The following VPS13B variants were observed in gnomAD, a reference collection of about 807,000 sequenced individuals.
The protein encoded by VPS13B is intermembrane lipid transfer protein VPS13B.
In VPS13B, 285 loss-of-function variants were observed where a neutral mutation model predicts 426.4. The observed-to-expected ratio is 0.67, with a 90% confidence interval of 0.61 to 0.74. The LOEUF (loss-of-function observed/expected upper bound fraction) is 0.74, where lower values mean the gene tolerates loss of function less well. VPS13B is among the 30% of genes least tolerant of loss of function. VPS13B has a pLI of 0.00. For missense variants in VPS13B, 4,537 were observed against 4,782.6 expected, an observed-to-expected ratio of 0.95 and a Z score of 1.51; for synonymous variants, 1,676 against 1,676.4, an observed-to-expected ratio of 1.00 and a Z score of 0.01.
intron 33 of VPS13B, among the ~76,000 whole-genome samples, chr8:99,600,165 G>A (rs1827214574): frequency 6.6e-6 from 1 of 152,106 alleles, no homozygotes; most frequent in Non-Finnish European, 1.5e-5. Context: ...AACTCACCCT[G>A]TGTGAGACAG....
intron 14 of VPS13B, among the ~76,000 whole-genome samples, 157 bp from the exon 15 acceptor site, chr8:99,156,392 T>C (rs1439902614): frequency 5.3e-5 from 8 of 152,214 alleles, no homozygotes; most frequent in Admixed American, 4.6e-4. Context: ...AAGACATTTG[T>C]TATTTGGTTA....
chr8:99,874,034 T>G (rs1817570402), intron 61 of VPS13B, among the ~76,000 whole-genome samples: 1 of 152,260 alleles, frequency 6.6e-6, no homozygotes, highest in Admixed American at 6.5e-5. Flanking sequence ...TTGAGATTTA[T>G]TTTTTAAGTC....
intron 30 of VPS13B, among the ~76,000 whole-genome samples, chr8:99,525,947 A>G (rs1822617278): frequency 6.6e-6 from 1 of 152,142 alleles, no homozygotes; most frequent in Non-Finnish European, 1.5e-5. Flanking sequence ...CTGTGAGGAA[A>G]ACGACATTAT....
chr8:99,873,969 T>C (rs1256457452), intron 61 of VPS13B, among the ~76,000 whole-genome samples: 2 of 152,244 alleles, frequency 1.3e-5, no homozygotes, highest in Non-Finnish European at 2.9e-5. Flanking sequence ...CCTTTGAATT[T>C]TGGAAGGAAT....
In VPS13B at chr8:99,784,405, A is replaced by C; in HGVS notation, c.7870A>C (p.Thr2624Pro). 2 of 1,613,722 alleles carry C rather than the reference A, an allele frequency of 1.2e-6. No individual in the cohort carries two copies. Among genetic ancestry groups the C allele is most frequent in the Non-Finnish European group, 1.7e-6 (2 of 1,179,720 alleles). ...QETLRFGQVD[T>P]DENILLASLH... ...GACACTGCGGTTTGGCCAGGTGGAT[A>C]CTGATGAAAATATTCTGCTGGCGAG... The change falls in exon 43 of 62, where the codon ACT becomes CCT. Residue 2624 changes from threonine (T) to proline (P), a missense_variant. Thr to Pro is a conservative substitution (Grantham distance 38, BLOSUM62 -1). Around this residue, in one of 2 missense-constraint regions of VPS13B, gnomAD observed 4,311 missense variants for 4,474.3 expected, o/e 0.96. Coordinates refer to ENST00000357162, the MANE Select transcript of VPS13B (RefSeq NM_152564.5).
chr8:99,515,361 AGCTGCTGCTGCT>A (rs576737553), intron 29 of VPS13B, among the ~76,000 whole-genome samples: 4 of 150,052 alleles, frequency 2.7e-5, no homozygotes, highest in Non-Finnish European at 5.9e-5. Context: ...TTATTTTTAA[AGCTGCTGCTGCT>A]GCTGCTGCTG....
intron 39 of VPS13B, among the ~76,000 whole-genome samples, chr8:99,727,514 A>G (rs1711899343): frequency 6.6e-6 from 1 of 152,218 alleles, no homozygotes; most frequent in Non-Finnish European, 1.5e-5. Context: ...ATGGCAGAAG[A>G]CAAAAAGGAG....
intron 17 of VPS13B, among the ~76,000 whole-genome samples, chr8:99,245,889 T>C (rs1817191949): frequency 6.6e-6 from 1 of 152,234 alleles, no homozygotes; most frequent in Admixed American, 6.5e-5. Context: ...ATTATTTTAC[T>C]GTCTCTCATT....
At chr8:99,084,461 T>C (rs1845658602) in intron 3 of VPS13B, among the ~76,000 whole-genome samples, 1 of 152,226 alleles carries the variant, frequency 6.6e-6, no homozygotes, top group Admixed American at 6.5e-5. Context: ...CCTTCAGTTC[T>C]GCTCTGATTT....
chr8:99,020,903 T>C (rs1362706256), intron 2 of VPS13B, among the ~76,000 whole-genome samples: 1 of 152,188 alleles, frequency 6.6e-6, no homozygotes, highest in East Asian at 1.9e-4. Flanking sequence ...GTTTTTTAAG[T>C]GTTAGGAAGA....
chr8:99,367,031 T>C (rs1309431358), intron 19 of VPS13B, among the ~76,000 whole-genome samples: 1 of 152,376 alleles, frequency 6.6e-6, no homozygotes, highest in Non-Finnish European at 1.5e-5. Context: ...AAGAGTAGTT[T>C]GTACACCACA....
At chr8:99,670,003 T>G (rs1403859714) in intron 35 of VPS13B, among the ~76,000 whole-genome samples, 1 of 152,108 alleles carries the variant, frequency 6.6e-6, no homozygotes. Context: ...AGTTCTTAGG[T>G]ACAGTAACAC....
At chr8:99,412,149 A>C (rs1815707004) in intron 21 of VPS13B, among the ~76,000 whole-genome samples, 1 of 152,198 alleles carries the variant, frequency 6.6e-6, no homozygotes, top group Non-Finnish European at 1.5e-5. Context: ...GCAGTTGACC[A>C]TTTTTGTGAT....
At chr8:99,861,732 A>T in intron 57 of VPS13B, 44 bp from the exon 58 acceptor site, 1 of 1,564,776 alleles carries the variant, frequency 6.4e-7, no homozygotes. Flanking sequence ...GGGGTCCATC[A>T]TGTATGCGAC....
chr8:99,517,722 A>T (rs898098683), intron 29 of VPS13B, among the ~76,000 whole-genome samples: 4 of 152,104 alleles, frequency 2.6e-5, no homozygotes, highest in Non-Finnish European at 5.9e-5. Context: ...GCTCAATTTT[A>T]AAAAATAGAG....
chr8:99,651,334 A>G (rs113448449), intron 34 of VPS13B, among the ~76,000 whole-genome samples: 1 of 152,180 alleles, frequency 6.6e-6, no homozygotes, highest in African/African-American at 2.4e-5. Context: ...TCTTTAAGCT[A>G]TACATAGCAA....
At chr8:99,792,987 C>G (rs1812626422) in intron 43 of VPS13B, among the ~76,000 whole-genome samples, 1 of 149,692 alleles carries the variant, frequency 6.7e-6, no homozygotes, top group African/African-American at 2.5e-5. Flanking sequence ...GGGTGGATCT[C>G]TTGAGTCCAA....
rs1180772785 is a variant in VPS13B, at chr8:99,446,208, T to C, written c.3445+3573T>C. Among the ~76,000 whole-genome samples the C allele has an allele frequency of 2.6e-5, 4 of 152,214 alleles. No homozygotes were observed. The East Asian group carries it at 7.7e-4, about 29-fold the overall frequency. On this transcript the variant is annotated intron_variant, in intron 23 of 61. Transcript: ENST00000357162. ...AGCTGTTTTTGTGATGGCCTGATGTTAGCAAACTCTCAATTTTGTTTCTTT... is the reference window on the plus strand; with the variant it reads ...AGCTGTTTTTGTGATGGCCTGATGTCAGCAAACTCTCAATTTTGTTTCTTT...
chr8:99,075,224 G>T (rs1358885027), intron 3 of VPS13B, among the ~76,000 whole-genome samples: 1 of 152,134 alleles, frequency 6.6e-6, no homozygotes, highest in Non-Finnish European at 1.5e-5. Flanking sequence ...AATTTATAAT[G>T]AAAAGAGATT....
Sources: allele counts gnomAD v4.1 joint callset (sites outside exome capture counted in the v4.1 genomes callset), GRCh38; gene constraint gnomAD v4.1.1; regional missense constraint gnomAD v4.1.1; transcripts MANE v1.5; gene names NCBI Gene and HGNC (gene_info 2026-07-23, HGNC 2026-07-21).